Variants in SDK1 observed in about 807,000 individuals in gnomAD.
The protein encoded by SDK1 is sidekick cell adhesion molecule 1.
SDK1 carries 157 observed loss-of-function variants against 245.5 expected under a neutral mutation model. The ratio of observed to expected loss-of-function variants is 0.64; its 90% confidence interval spans 0.56 to 0.73. The LOEUF (loss-of-function observed/expected upper bound fraction) is 0.73, where lower values mean the gene tolerates loss of function less well. Among genes scored for constraint, SDK1 ranks in the 30% least tolerant of loss-of-function variants. The probability of loss-of-function intolerance (pLI) is 0.00; values close to 1 mark genes in which losing one functional copy is unlikely to be tolerated. For missense variants in SDK1, 3,583 were observed against 3,002.3 expected (o/e 1.19, Z -4.52); for synonymous variants, 1,647 against 1,278.5 (o/e 1.29, Z -6.15).
chr7:3,884,627 A>G (rs543879235), intron 5 of SDK1, among the ~76,000 whole-genome samples: 1 of 152,192 alleles, frequency 6.6e-6, no homozygotes, highest in South Asian at 2.1e-4. Flanking sequence ...GGCTTGTTCT[A>G]GGTGCTGGGA....
chr7:3,488,904 CGTGTGTGT>C (rs59773114), intron 1 of SDK1, among the ~76,000 whole-genome samples: 1 of 147,106 alleles, frequency 6.8e-6, no homozygotes, highest in Non-Finnish European at 1.5e-5. Flanking sequence ...TTCCTCCCTC[CGTGTGTGT>C]GTGTGTGTGT....
At chr7:3,772,486 A>G (rs910317497) in intron 4 of SDK1, among the ~76,000 whole-genome samples, 1 of 152,234 alleles carries the variant, frequency 6.6e-6, no homozygotes, top group African/African-American at 2.4e-5. Context: ...CCTTTTAAAT[A>G]ACATAGAAAT....
intron 1 of SDK1, among the ~76,000 whole-genome samples, chr7:3,579,360 G>A (rs756083105): frequency 3.3e-5 from 5 of 152,208 alleles, no homozygotes; most frequent in Non-Finnish European, 7.3e-5. Context: ...GGGATGCAAG[G>A]TTGGTTCAAG....
intron 14 of SDK1, among the ~76,000 whole-genome samples, chr7:4,003,493 C>G (rs1417699863): frequency 6.6e-6 from 1 of 152,214 alleles, no homozygotes; most frequent in African/African-American, 2.4e-5. Flanking sequence ...CTTTCCCGCT[C>G]TGTTGCAGGA....
intron 4 of SDK1, among the ~76,000 whole-genome samples, chr7:3,815,605 G>T (rs1401396194): frequency 2.0e-5 from 3 of 149,314 alleles, no homozygotes; most frequent in African/African-American, 7.5e-5. Flanking sequence ...CCCGGCTTTG[G>T]TATCAGAATG....
chr7:3,575,027 C>G (rs1398346530), intron 1 of SDK1, among the ~76,000 whole-genome samples: 1 of 152,038 alleles, frequency 6.6e-6, no homozygotes, highest in Non-Finnish European at 1.5e-5. Context: ...GCCTCCCATT[C>G]CTGTGCAGCC....
chr7:4,009,846 T>C (rs1336937774), intron 14 of SDK1, among the ~76,000 whole-genome samples: 1 of 152,256 alleles, frequency 6.6e-6, no homozygotes, highest in African/African-American at 2.4e-5. Flanking sequence ...CACTGCTTGG[T>C]GATTGGTAAG....
chr7:3,420,402 C>G (rs1441399261), intron 1 of SDK1, among the ~76,000 whole-genome samples: 1 of 152,196 alleles, frequency 6.6e-6, no homozygotes, highest in Non-Finnish European at 1.5e-5. Flanking sequence ...TTTTTCCTTT[C>G]TCACCAATTT....
intron 1 of SDK1, among the ~76,000 whole-genome samples, chr7:3,398,915 A>G (rs1261613921): frequency 2.0e-5 from 3 of 151,748 alleles, no homozygotes; most frequent in African/African-American, 4.8e-5. Context: ...CAGTGCAACT[A>G]TTTGCCCTGA....
chr7:4,091,668 A>G (rs1352063871), intron 22 of SDK1, among the ~76,000 whole-genome samples: 1 of 152,054 alleles, frequency 6.6e-6, no homozygotes, highest in African/African-American at 2.4e-5. Context: ...TTTAACAATG[A>G]TGAATGAGCA....
intron 1 of SDK1, among the ~76,000 whole-genome samples, chr7:3,485,258 T>G (rs1439961975): frequency 6.6e-6 from 1 of 152,216 alleles, no homozygotes; most frequent in Non-Finnish European, 1.5e-5. Flanking sequence ...ACTAGTGATA[T>G]TGAGCATTTT....
Position 4,268,444 on chromosome 7 carries a change from C to A in SDK1, c.*3060C>A. On this transcript the variant is annotated 3_prime_UTR_variant, in exon 45 of 45. Transcript: ENST00000404826. ...CCTCGCCTTCAGCCTCTCTCCCAGC[C>A]TGCTTTTATAAGGCGCACTTCACTC... 9.8e-6 allele frequency: 11 copies of A among 1,127,808 alleles called. No individual in the cohort carries two copies. Among genetic ancestry groups the A allele is most frequent in the Non-Finnish European group, 1.2e-5 (11 of 907,822 alleles). 69.9% of individuals were successfully genotyped at this position (1,127,808 alleles called of 1,614,324 possible).
At position 4,268,295 on chromosome 7, in the gene SDK1, C is replaced by T; in HGVS notation, c.*2911C>T. 9.7e-7 allele frequency: 1 copy of T among 1,027,650 alleles called. No individual in the cohort carries two copies. The highest frequency in any genetic ancestry group is 1.2e-6 in the Non-Finnish European group (1 of 855,044). The allele number at this position is 1,027,650 out of a possible 1,614,324, so 63.7% of individuals were successfully genotyped here. On this transcript the variant is annotated 3_prime_UTR_variant, in exon 45 of 45. Transcript: ENST00000404826. Reference sequence around the variant, plus strand: ...GATGGGTGTGCAGAGCTCCCTCCTCCTGGGGTGCCAGGGCAGAGATTCCAG... The same window carrying T: ...GATGGGTGTGCAGAGCTCCCTCCTCTTGGGGTGCCAGGGCAGAGATTCCAG...
chr7:3,705,596 T>C (rs754984535), intron 4 of SDK1, among the ~76,000 whole-genome samples: 12 of 152,074 alleles, frequency 7.9e-5, no homozygotes, highest in African/African-American at 2.2e-4. Context: ...TTGGTATACA[T>C]TGATTTTTGT....
chr7:4,224,241 T>A (rs1024662264), intron 40 of SDK1, among the ~76,000 whole-genome samples: 1 of 152,214 alleles, frequency 6.6e-6, no homozygotes, highest in African/African-American at 2.4e-5. Context: ...TTTAGTTGGC[T>A]CACAGTTCTG....
At chr7:3,462,825 T>C (rs1473132628) in intron 1 of SDK1, among the ~76,000 whole-genome samples, 1 of 152,172 alleles carries the variant, frequency 6.6e-6, no homozygotes, top group Non-Finnish European at 1.5e-5. Context: ...TCCATTGTGG[T>C]TCTTTCTAGT....
rs148098803 is a variant in SDK1 at position 3,653,855 on chromosome 7, T to A, written c.713+11750T>A. On this transcript the variant is annotated intron_variant, in intron 4 of 44. Coordinates refer to ENST00000404826, the MANE Select transcript of SDK1 (RefSeq NM_152744.4). ...CTAGTGGGTTTCTGCTCTGTTGCAC[T>A]TCAGCTTCACTTATGAAGCAGAGAG... 4.0e-3 allele frequency among the ~76,000 whole-genome samples: 607 copies of A among 152,290 alleles called. 9 individuals are homozygous for A. The East Asian group carries it at 0.051, about 13-fold the overall frequency.
chr7:4,109,118 C>T (rs1247016052), intron 22 of SDK1, among the ~76,000 whole-genome samples: 1 of 152,186 alleles, frequency 6.6e-6, no homozygotes, highest in Non-Finnish European at 1.5e-5. Flanking sequence ...GACTAGTGCA[C>T]TAGGAGCATG....
intron 7 of SDK1, chr7:3,958,169 A>C (rs1218995096): frequency 8.5e-6 from 3 of 353,040 alleles, no homozygotes; most frequent in African/African-American, 6.6e-5. Context: ...TATCGCACAG[A>C]AAGTGAACAC....
Sources: gnomAD v4.1 joint callset for allele counts (sites outside exome capture counted in the v4.1 genomes callset) on GRCh38, gnomAD v4.1.1 for gene constraint, MANE v1.5 for transcripts, NCBI Gene and HGNC (gene_info 2026-07-23, HGNC 2026-07-21) for gene names.